Variants in MMP1 observed in about 807,000 individuals in gnomAD.
MMP1 encodes matrix metallopeptidase 1, also known as interstitial collagenase.
Under a neutral mutation model 49.6 loss-of-function variants are expected in MMP1, and 51 were observed. That is an observed-to-expected ratio of 1.03 (90% CI 0.82 to 1.30). The LOEUF is 1.30. Ranked by LOEUF, MMP1 falls within the 50% of genes most tolerant of loss-of-function variation. The pLI is 0.00. For missense variants in MMP1, 623 were observed against 568.7 expected (o/e 1.10, Z -0.97); for synonymous variants, 230 against 196.8 (o/e 1.17, Z -1.41).
Position 102,794,784 on chromosome 11 carries a change from T to G in MMP1, c.899+390A>C, listed in dbSNP as rs551646094. The stretch of plus-strand genomic sequence containing the variant: ...ACCACTTTCTCCTAAGAAAGTCCAA[T>G]GATACTTATCACCATAAAGAGTGGC... On this transcript the variant is annotated intron_variant, in intron 6 of 9. Transcript: ENST00000315274. This position sits in a 1 kb window ranked among gnomAD's most constrained non-coding sequence, Gnocchi z 4.3. 6.6e-4 allele frequency among the ~76,000 whole-genome samples: 100 copies of G among 152,310 alleles called. 1 individual carries two copies. The South Asian group carries it at 9.1e-3, about 14-fold the overall frequency.
At position 102,797,286 on chromosome 11, in the gene MMP1, G is replaced by A. The variant is rs754987134; in HGVS notation, c.320C>T (p.Pro107Leu). 6.2e-7 allele frequency: 1 copy of A among 1,614,192 alleles called. No homozygotes were observed. The highest frequency in any genetic ancestry group is 8.5e-7 in the Non-Finnish European group (1 of 1,180,038). Residue 107 changes from proline to leucine, a missense_variant, in exon 2 of 10, where the codon CCT becomes CTT. Transcript: ENST00000315274. ...VAQFVLTEGN[P>L]RWEQTHLTYR... ...GGTCAGATGTGTTTGCTCCCAGCGA[G>A]GGTTCCCCTCAGTGAGGACAAACTG... is the stretch of plus-strand genomic sequence containing the variant.
rs756742579 is a variant in MMP1, at chr11:102,798,073, A to G, written c.20T>C (p.Leu7Pro). Residue 7 changes from leucine to proline, a missense_variant, in exon 1 of 10, where the codon CTG becomes CCG. Physicochemically the swap from Leu to Pro is moderately conservative, Grantham distance 98. Coordinates refer to ENST00000315274, the MANE Select transcript of MMP1 (RefSeq NM_002421.4). ...CACACCCCAGAACAGCAGCAGCAGC[A>G]GTGGAGGAAAGCTGTGCATACTGGC... MHSFPP[L>P]LLLLFWGVVS... 3.1e-6 allele frequency: 5 copies of G among 1,611,408 alleles called. No homozygotes were observed. The Admixed American group carries it at 5.0e-5, about 16-fold the overall frequency.
chr11:102,794,136 C>G lies in MMP1; in HGVS notation c.899+1038G>C, dbSNP rs1445799651. ...AAACCATGTGTTTTCTTAACTTGTCCCAGCATTGAACCACACCCTGTATAG... is the reference window on the plus strand; with the variant it reads ...AAACCATGTGTTTTCTTAACTTGTCGCAGCATTGAACCACACCCTGTATAG... On this transcript the variant is annotated intron_variant, in intron 6 of 9. Coordinates refer to ENST00000315274, the MANE Select transcript of MMP1 (RefSeq NM_002421.4). This position sits in a 1 kb window ranked among gnomAD's most constrained non-coding sequence, Gnocchi z 4.3. 6.6e-6 allele frequency among the ~76,000 whole-genome samples: 1 copy of G among 152,070 alleles called. No homozygotes were observed. Among genetic ancestry groups the G allele is most frequent in the African/African-American group, 2.4e-5 (1 of 41,378 alleles).
At chr11:102,795,076 G>T in intron 6 of MMP1, 98 bp downstream of exon 6, 1 of 975,514 alleles carries the variant, frequency 1.0e-6, no homozygotes, top group Non-Finnish European at 1.6e-6. Flanking sequence ...ATGTAAATCA[G>T]CATGAAATAA....
intron 1 of MMP1, 102 bp downstream of exon 1, chr11:102,797,886 A>T: frequency 1.2e-6 from 1 of 811,702 alleles, no homozygotes; most frequent in Non-Finnish European, 1.8e-6. Context: ...AAAAAAAAAA[A>T]TCTCTTTATA....
intron 1 of MMP1, 56 bp from the exon 2 acceptor site, chr11:102,797,556 A>C (rs1216625966): frequency 3.1e-6 from 5 of 1,597,190 alleles, no homozygotes; most frequent in Non-Finnish European, 4.3e-6. Flanking sequence ...ATTATTCTAA[A>C]AATTGATGGC....
Position 102,795,285 on chromosome 11 carries a change from G to T in MMP1, c.788C>A (p.Ser263Tyr). The T allele has an allele frequency of 6.2e-7, 1 of 1,613,958 alleles. No homozygotes were observed. The highest frequency in any genetic ancestry group is 8.5e-7 in the Non-Finnish European group (1 of 1,179,956). The change falls in exon 6 of 10, where the codon TCC (serine) becomes TAC (tyrosine). Residue 263 changes from serine (S) to tyrosine (Y), a missense_variant. Transcript: ENST00000315274. Reference sequence around the variant, plus strand: ...GCCGATGGGCTGGACAGGATTTTGGGAACGTCCTAAGGAAAATAAAATACC... The same window carrying T: ...GCCGATGGGCTGGACAGGATTTTGGTAACGTCCTAAGGAAAATAAAATACC... ...IDGIQAIYGR[S>Y]QNPVQPIGPQ...
In MMP1 at chr11:102,797,483, G is replaced by C; in HGVS notation, c.123C>G (p.Tyr41Ter). 1 of 1,614,032 alleles carries C rather than the reference G, an allele frequency of 6.2e-7. No homozygotes were observed. Among genetic ancestry groups the C allele is most frequent in the Non-Finnish European group, 8.5e-7 (1 of 1,179,960 alleles). Residue 41 changes from tyrosine (Y) to a stop codon, truncating the protein, a stop_gained, in exon 2 of 10, where the codon TAC becomes TAG. Coordinates refer to ENST00000315274, the MANE Select transcript of MMP1 (RefSeq NM_002421.4). LOFTEE classifies it high-confidence loss of function. ...VDLVQKYLEK[Y>*]YNLKNDGRQV... is the part of the protein sequence containing the mutation. ...GCCTCCCATCATTCTTCAGGTTGTA[G>C]TATTTTTCCAGGTATTTCTGACAAA...
Position 102,795,193 on chromosome 11 carries a change from C to A in MMP1, c.880G>T (p.Val294Leu). Residue 294 changes from valine to leucine, a missense_variant, in exon 6 of 10, where the codon GTG becomes TTG. Transcript: ENST00000315274. Reference protein sequence around the residue: ...FDAITTIRGEVMFFKDRFYMR... With the variant: ...FDAITTIRGELMFFKDRFYMR... ...TCTTACCTGTCTTTAAAGAACATCA[C>A]TTCTCCCCGAATCGTAGTTATAGCA... 1.9e-6 allele frequency: 3 copies of A among 1,613,710 alleles called. No individual in the cohort carries two copies. The highest frequency in any genetic ancestry group is 2.5e-6 in the Non-Finnish European group (3 of 1,179,634).
Position 102,797,392 on chromosome 11 carries a change from C to T in MMP1, c.214G>A (p.Gly72Arg). The T allele has an allele frequency of 1.2e-6, 2 of 1,614,158 alleles. No individual in the cohort carries two copies. The highest frequency in any genetic ancestry group is 1.7e-6 in the Non-Finnish European group (2 of 1,180,026). The change falls in exon 2 of 10, where the codon GGG becomes AGG. Residue 72 changes from glycine to arginine, a missense_variant. Physicochemically the swap from Gly to Arg is moderately radical, Grantham distance 125 (BLOSUM62 -2). Transcript: ENST00000315274. ...TCTGGTTTCCCAGTCACTTTCAGCC[C>T]AAAGAATTCCTGCATTTGCTTCAAT... ...EKLKQMQEFF[G>R]LKVTGKPDAE...
At chr11:102,792,989 A>C (rs1412966692) in intron 6 of MMP1, among the ~76,000 whole-genome samples, 1 of 152,232 alleles carries the variant, frequency 6.6e-6, no homozygotes, top group Non-Finnish European at 1.5e-5. Flanking sequence ...GGCATAAGTA[A>C]CTTTAAGAAC....
intron 6 of MMP1, among the ~76,000 whole-genome samples, chr11:102,793,829 G>A (rs1174051934): frequency 2.0e-5 from 3 of 152,200 alleles, no homozygotes; most frequent in Non-Finnish European, 4.4e-5. Context: ...ACTGTTATGT[G>A]GGCTGACACA....
At position 102,790,697 on chromosome 11, in the gene MMP1, A is replaced by G. The variant is rs1480254158; in HGVS notation, c.1300+6T>C. On this transcript the variant is annotated splice_donor_region_variant and intron_variant, in intron 9 of 9. Coordinates refer to ENST00000315274, the MANE Select transcript of MMP1 (RefSeq NM_002421.4). Reference sequence around the variant, plus strand: ...AAATGGAGGAAATACATGTATATTCACTTACCATCTTTCATGAAAACTGCA... The same window carrying G: ...AAATGGAGGAAATACATGTATATTCGCTTACCATCTTTCATGAAAACTGCA... 3 of 1,587,324 alleles carry G rather than the reference A, an allele frequency of 1.9e-6. No homozygotes were observed. Among genetic ancestry groups the G allele is most frequent in the African/African-American group, 2.7e-5 (2 of 74,354 alleles).
intron 6 of MMP1, 92 bp from the exon 7 acceptor site, chr11:102,792,830 A>T (rs148660930): frequency 5.3e-4 from 629 of 1,194,100 alleles, no homozygotes; most frequent in Non-Finnish European, 6.9e-4. Flanking sequence ...TGCTGGCACT[A>T]GTGGTGTGCT....
chr11:102,790,400 A>C lies in MMP1; in HGVS notation c.*12T>G, dbSNP rs750253156. Reference sequence around the variant, plus strand: ...ACTCACACCATGTGTTTTCCATTCAAATTAGTAATGTTCAATTTTTCCTGC... The same window carrying C: ...ACTCACACCATGTGTTTTCCATTCACATTAGTAATGTTCAATTTTTCCTGC... On this transcript the variant is annotated 3_prime_UTR_variant, in exon 10 of 10. Coordinates refer to ENST00000315274, the MANE Select transcript of MMP1 (RefSeq NM_002421.4). 3.3e-6 allele frequency: 5 copies of C among 1,509,136 alleles called. No individual in the cohort carries two copies. In the Admixed American group the frequency reaches 8.9e-5, roughly 27 times the overall value. The allele number at this position is 1,509,136 out of a possible 1,614,324, so 93.5% of individuals were successfully genotyped here. A position where few individuals can be genotyped will look rare whatever the true frequency, so the allele number is the denominator to read the frequency against.
At position 102,796,739 on chromosome 11, in the gene MMP1, C is replaced by T; in HGVS notation, c.550G>A (p.Ala184Thr). 1.2e-6 allele frequency: 2 copies of T among 1,614,002 alleles called. No homozygotes were observed. Among genetic ancestry groups the T allele is most frequent in the Non-Finnish European group, 1.7e-6 (2 of 1,179,944 alleles). The part of the protein sequence containing the change: ...FDGPGGNLAH[A>T]FQPGPGIGGD... ...CCAATACCTGGGCCTGGTTGAAAAG[C>T]ATGAGCAAGATTTCCTCCAGGTCCA... Residue 184 changes from alanine to threonine, a missense_variant, in exon 4 of 10, where the codon GCT becomes ACT. Ala to Thr is a moderately conservative substitution (Grantham distance 58). Coordinates refer to ENST00000315274, the MANE Select transcript of MMP1 (RefSeq NM_002421.4).
rs1342059322 is a variant in MMP1 at position 102,795,566 on chromosome 11, A to T, written c.667T>A (p.Ser223Thr). 6.2e-7 allele frequency: 1 copy of T among 1,613,760 alleles called. No individual in the cohort carries two copies. Among genetic ancestry groups the T allele is most frequent in the South Asian group, 1.1e-5 (1 of 90,980 alleles). The part of the protein sequence containing the change: ...HRVAAHELGH[S>T]LGLSHSTDIG... ...TCAGTAGAATGGGAGAGTCCAAGAG[A>T]ATGGCCGAGTTCATGAGCTGCAACA... is the stretch of plus-strand genomic sequence containing the variant. The change falls in exon 5 of 10, where the codon TCT (serine) becomes ACT (threonine). Residue 223 changes from serine to threonine, a missense_variant. Ser to Thr is a moderately conservative substitution (Grantham distance 58). Coordinates refer to ENST00000315274, the MANE Select transcript of MMP1 (RefSeq NM_002421.4).
At chr11:102,793,520 A>C (rs1858092313) in intron 6 of MMP1, among the ~76,000 whole-genome samples, 1 of 152,234 alleles carries the variant, frequency 6.6e-6, no homozygotes, top group Non-Finnish European at 1.5e-5. Flanking sequence ...TCGGCTGTGC[A>C]CATTACCAAC....
chr11:102,790,848 C>T (rs544664988), intron 8 of MMP1, 42 bp from the exon 9 acceptor site: 1 of 1,042,440 alleles, frequency 9.6e-7, no homozygotes, highest in South Asian at 1.3e-5. Flanking sequence ...TTTTGCTAAA[C>T]ATGTGCACTC....
Sources: allele counts gnomAD v4.1 joint callset (sites outside exome capture counted in the v4.1 genomes callset), GRCh38; gene constraint gnomAD v4.1.1; non-coding constraint Gnocchi (gnomAD v3.1); transcripts MANE v1.5; gene names NCBI Gene and HGNC (gene_info 2026-07-23, HGNC 2026-07-21).